Variants in NIPA2 observed in about 807,000 individuals in gnomAD.
The protein encoded by NIPA2 is magnesium transporter NIPA2.
Under a neutral mutation model 29.7 loss-of-function variants are expected in NIPA2, and 11 were observed. The observed-to-expected ratio is 0.37, with a 90% CI of 0.23 to 0.61. The LOEUF (loss-of-function observed/expected upper bound fraction) is 0.61, where lower values mean the gene tolerates loss of function less well. Ranked by LOEUF, NIPA2 falls within the 20% of genes least tolerant of loss-of-function variation. NIPA2 has a pLI of 0.66. For synonymous variants in NIPA2, 183 were observed against 161.9 expected (o/e 1.13, Z -0.99); for missense variants, 426 against 437.9 (o/e 0.97, Z 0.24).
chr15:22,847,063 C>T (rs1456636915), intron 3 of NIPA2, among the ~76,000 whole-genome samples: 1 of 151,510 alleles, frequency 6.6e-6, no homozygotes, highest in Non-Finnish European at 1.5e-5. Flanking sequence ...GCCACCATGC[C>T]CTGCTAATTT....
intron 3 of NIPA2, among the ~76,000 whole-genome samples, chr15:22,848,876 AC>A (rs1364156249): frequency 2.0e-5 from 3 of 149,822 alleles, no homozygotes; most frequent in African/African-American, 7.4e-5. Flanking sequence ...ATCCATATTC[AC>A]CCAGAAAACA....
intron 3 of NIPA2, among the ~76,000 whole-genome samples, chr15:22,848,336 C>T (rs867490539): frequency 1.3e-5 from 2 of 151,984 alleles, no homozygotes; most frequent in South Asian, 2.1e-4. Flanking sequence ...TATAAAACAT[C>T]GGTTACATTT....
intron 5 of NIPA2, among the ~76,000 whole-genome samples, chr15:22,855,249 A>G (rs1486077627): frequency 6.2e-5 from 1 of 16,246 alleles, no homozygotes. Flanking sequence ...CGTCTCTAGT[A>G]AAAAAAAAAA....
chr15:22,865,926 T>TGTCC, intron 7 of NIPA2, among the ~76,000 whole-genome samples: 1 of 152,290 alleles, frequency 6.6e-6, no homozygotes, highest in Non-Finnish European at 1.5e-5. Flanking sequence ...CTGTTCCCAC[T>TGTCC]GTCCCTCTTG....
chr15:22,860,735 A>G lies in NIPA2; in HGVS notation c.394A>G (p.Lys132Glu). The G allele has an allele frequency of 1.2e-6, 2 of 1,602,944 alleles. No homozygotes were observed. The highest frequency in any genetic ancestry group is 1.7e-6 in the Non-Finnish European group (2 of 1,176,670). The part of the protein sequence containing the change: ...GSTVMVIHAP[K>E]EEEIETLNEM... ...TACAGTTATGGTCATTCATGCTCCA[A>G]AGGAAGAGGAGATTGAGACTTTAAA... Residue 132 changes from lysine (K) to glutamate (E), a missense_variant, in exon 7 of 8, where the codon AAG becomes GAG. Physicochemically the swap from Lys to Glu is moderately conservative, Grantham distance 56. Around this residue, in one of 3 missense-constraint regions of NIPA2, gnomAD observed 357 missense variants for 339.8 expected, o/e 1.05. Coordinates refer to ENST00000337451, the MANE Select transcript of NIPA2 (RefSeq NM_030922.7).
intron 2 of NIPA2, among the ~76,000 whole-genome samples, chr15:22,844,199 C>T (rs1278162334): frequency 6.6e-6 from 1 of 152,118 alleles, no homozygotes; most frequent in Admixed American, 6.5e-5. Context: ...TGTATTTATT[C>T]CATTTTTGAC....
intron 2 of NIPA2, among the ~76,000 whole-genome samples, chr15:22,841,238 A>G (rs1373940548): frequency 2.6e-5 from 4 of 152,228 alleles, no homozygotes; most frequent in Non-Finnish European, 2.9e-5. Context: ...TATGTTTCCC[A>G]TAACATAAAT....
At chr15:22,865,215 G>T (rs748455051) in intron 7 of NIPA2, among the ~76,000 whole-genome samples, 3 of 151,490 alleles carry the variant, frequency 2.0e-5, no homozygotes, top group African/African-American at 7.3e-5. Flanking sequence ...TGCTGGGTGC[G>T]GTGGCTCACG....
intron 6 of NIPA2, among the ~76,000 whole-genome samples, chr15:22,859,611 C>G: frequency 6.6e-6 from 1 of 152,166 alleles, no homozygotes; most frequent in East Asian, 1.9e-4. Flanking sequence ...ATTTGCATGC[C>G]TGGCCTGGAG....
chr15:22,864,548 C>A (rs1219646032), intron 7 of NIPA2, among the ~76,000 whole-genome samples: 3 of 152,174 alleles, frequency 2.0e-5, no homozygotes, highest in African/African-American at 7.2e-5. Context: ...TGGGAATTGA[C>A]TGGGGGGAAG....
chr15:22,840,696 G>C (rs1161983982), intron 2 of NIPA2, among the ~76,000 whole-genome samples: 1 of 152,100 alleles, frequency 6.6e-6, no homozygotes, highest in Admixed American at 6.6e-5. Flanking sequence ...TTTTACCCCT[G>C]GGAGGTTTCC....
rs1486109435 is a variant in NIPA2 at position 22,866,972 on chromosome 15, C to CTAAT, written c.*127_*130dup. On this transcript the variant is annotated 3_prime_UTR_variant, in exon 8 of 8. Transcript: ENST00000337451. The stretch of plus-strand genomic sequence containing the variant: ...AAAGGCAATCTTTTTAAAGATTTCA[C>CTAAT]TAATTTGGACCAAGAAATTACTTTT... 7.7e-6 allele frequency: 7 copies of CTAAT among 913,944 alleles called. No individual in the cohort carries two copies. The highest frequency in any genetic ancestry group is 3.4e-4 in the Middle Eastern group (1 of 2,924). The allele number at this position is 913,944 out of a possible 1,614,324, so 56.6% of individuals were successfully genotyped here.
At position 22,858,174 on chromosome 15, in the gene NIPA2, A is replaced by C. The variant is rs368787926; in HGVS notation, c.197-366A>C. The stretch of plus-strand genomic sequence containing the variant: ...TTTGGGAGGCCGAGGCGGGCAGATC[A>C]CGAGGTCAGGAGATCAAGACCATCC... On this transcript the variant is annotated intron_variant, in intron 5 of 7. Coordinates refer to ENST00000337451, the MANE Select transcript of NIPA2 (RefSeq NM_030922.7). Among the ~76,000 whole-genome samples, 38 of 152,236 alleles carry C rather than the reference A, an allele frequency of 2.5e-4. 1 individual carries two copies. The East Asian group carries it at 7.2e-3, about 29-fold the overall frequency.
intron 5 of NIPA2, among the ~76,000 whole-genome samples, chr15:22,857,439 T>C (rs976625799): frequency 1.0e-5 from 1 of 99,906 alleles, no homozygotes; most frequent in African/African-American, 6.2e-5. Context: ...AGACTCTGTC[T>C]CAAAAAAAAA....
intron 3 of NIPA2, among the ~76,000 whole-genome samples, chr15:22,849,008 C>G (rs2057506522): frequency 1.3e-5 from 2 of 152,086 alleles, no homozygotes; most frequent in Non-Finnish European, 2.9e-5. Context: ...AAACACAGAT[C>G]AACAAGCCAT....
At chr15:22,853,526 C>CA (rs1330473920) in intron 5 of NIPA2, among the ~76,000 whole-genome samples, 1 of 151,736 alleles carries the variant, frequency 6.6e-6, no homozygotes, top group Admixed American at 6.6e-5. Flanking sequence ...GGCGTGCCAC[C>CA]ACCACGCCCA....
At chr15:22,850,365 C>T (rs1438837694) in intron 3 of NIPA2, among the ~76,000 whole-genome samples, 1 of 151,972 alleles carries the variant, frequency 6.6e-6, no homozygotes, top group South Asian at 2.1e-4. Context: ...GTTCCTTACA[C>T]CTCCCTCCCA....
At position 22,853,086 on chromosome 15, in the gene NIPA2, A is replaced by G. The variant is rs1009426837; in HGVS notation, c.140-126A>G. On this transcript the variant is annotated intron_variant, in intron 4 of 7. Transcript: ENST00000337451. ...TTAAGAAATTGTCAGAGAAATCCCG[A>G]GTCATGCAGAAACCTTTATTTAAAG... 6.4e-6 allele frequency: 4 copies of G among 620,754 alleles called. No individual in the cohort carries two copies. The African/African-American group carries it at 7.4e-5, about 12-fold the overall frequency. The allele number at this position is 620,754 out of a possible 1,614,324, so 38.5% of individuals were successfully genotyped here.
At chr15:22,865,653 C>T (rs144558107) in intron 7 of NIPA2, among the ~76,000 whole-genome samples, 2 of 152,164 alleles carry the variant, frequency 1.3e-5, no homozygotes, top group East Asian at 3.9e-4. Flanking sequence ...ATGCCTGGCC[C>T]ACAGTGCTAC....
Sources: allele counts gnomAD v4.1 joint callset (sites outside exome capture counted in the v4.1 genomes callset), GRCh38; gene constraint gnomAD v4.1.1; regional missense constraint gnomAD v4.1.1; transcripts MANE v1.5; gene names NCBI Gene and HGNC (gene_info 2026-07-23, HGNC 2026-07-21).